Variants in LRMDA observed in about 807,000 individuals in gnomAD.
The protein encoded by LRMDA is leucine-rich melanocyte differentiation-associated protein.
Under a neutral mutation model 29.8 loss-of-function variants are expected in LRMDA, and 18 were observed. The observed-to-expected ratio is 0.60, with a 90% CI of 0.42 to 0.90. The LOEUF is 0.90. LRMDA is among the 40% of genes least tolerant of loss of function. The probability of loss-of-function intolerance (pLI) is 0.00; values close to 1 mark genes in which losing one functional copy is unlikely to be tolerated. For missense variants in LRMDA, 273 were observed against 273.9 expected (o/e 1.00, Z 0.02); for synonymous variants, 125 against 109.4 (o/e 1.14, Z -0.89).
chr10:75,552,296 T>C (rs923293613), intron 2 of LRMDA, among the ~76,000 whole-genome samples: 2 of 152,172 alleles, frequency 1.3e-5, no homozygotes, highest in African/African-American at 4.8e-5. Flanking sequence ...CTTTCACTTG[T>C]ATAGAATTCC....
intron 6 of LRMDA, among the ~76,000 whole-genome samples, chr10:76,478,479 G>T (rs934166338): frequency 9.9e-5 from 15 of 152,180 alleles, no homozygotes; most frequent in Non-Finnish European, 1.5e-4. Flanking sequence ...CATTGTGGAA[G>T]TCAGTGTGGC....
intron 6 of LRMDA, among the ~76,000 whole-genome samples, chr10:76,400,389 A>G (rs1382358289): frequency 6.6e-6 from 1 of 152,218 alleles, no homozygotes; most frequent in African/African-American, 2.4e-5. Context: ...GACCCACAGA[A>G]AGTGTGAGAC....
At chr10:75,842,041 G>A (rs1026580558) in intron 2 of LRMDA, among the ~76,000 whole-genome samples, 2 of 152,200 alleles carry the variant, frequency 1.3e-5, no homozygotes, top group Non-Finnish European at 2.9e-5. Flanking sequence ...TCCATGCCAG[G>A]CATTGAAATG....
intron 2 of LRMDA, among the ~76,000 whole-genome samples, chr10:75,971,902 G>C (rs1456494235): frequency 6.6e-6 from 1 of 152,200 alleles, no homozygotes; most frequent in Non-Finnish European, 1.5e-5. Flanking sequence ...TTAAAGGGTT[G>C]CTGGATGTCG....
rs1850322891 is a variant in LRMDA, at chr10:76,146,434, A to G, written c.516+87651A>G. On this transcript the variant is annotated intron_variant, in intron 5 of 6. Transcript: ENST00000611255. The stretch of plus-strand genomic sequence containing the variant: ...CTCTTCTTGTTGAATTGATCCCTTT[A>G]CCATTATGTAATGGCCTTCTTTGTC... Among the ~76,000 whole-genome samples the G allele has an allele frequency of 2.6e-5, 4 of 151,066 alleles. No individual in the cohort carries two copies. In the South Asian group the frequency reaches 8.4e-4, roughly 32 times the overall value.
intron 6 of LRMDA, among the ~76,000 whole-genome samples, chr10:76,494,966 A>G (rs1232363550): frequency 1.3e-5 from 2 of 151,876 alleles, no homozygotes; most frequent in Non-Finnish European, 2.9e-5. Context: ...TTTCTTAACA[A>G]TGTCACAATG....
At chr10:75,495,494 C>G (rs115378472) in intron 2 of LRMDA, among the ~76,000 whole-genome samples, 1 of 152,142 alleles carries the variant, frequency 6.6e-6, no homozygotes, top group Non-Finnish European at 1.5e-5. Context: ...CAAGGCCTGC[C>G]GTACAGAGGA....
intron 6 of LRMDA, among the ~76,000 whole-genome samples, chr10:76,409,001 C>T (rs905962253): frequency 1.3e-5 from 2 of 152,140 alleles, no homozygotes; most frequent in Admixed American, 6.5e-5. Flanking sequence ...TGGAAGCAAA[C>T]AAAGAAGGAA....
chr10:75,926,105 C>G (rs1355268533), intron 2 of LRMDA, among the ~76,000 whole-genome samples: 1 of 152,176 alleles, frequency 6.6e-6, no homozygotes, highest in East Asian at 1.9e-4. Context: ...GCTAGGTACA[C>G]ATAGGCATGT....
At chr10:76,191,436 T>C (rs1453640474) in intron 5 of LRMDA, among the ~76,000 whole-genome samples, 1 of 152,214 alleles carries the variant, frequency 6.6e-6, no homozygotes, top group Non-Finnish European at 1.5e-5. Flanking sequence ...CTTTGTCACT[T>C]CATTCCTTCT....
chr10:75,798,320 C>T (rs544323477), intron 2 of LRMDA, among the ~76,000 whole-genome samples: 3 of 151,942 alleles, frequency 2.0e-5, no homozygotes, highest in Admixed American at 6.6e-5. Flanking sequence ...TTAATATTGG[C>T]AAAGTCCAAC....
At chr10:75,936,883 A>G (rs1846304324) in intron 2 of LRMDA, among the ~76,000 whole-genome samples, 1 of 152,204 alleles carries the variant, frequency 6.6e-6, no homozygotes, top group Non-Finnish European at 1.5e-5. Flanking sequence ...AAACATTCAG[A>G]TCATAGCATT....
intron 6 of LRMDA, among the ~76,000 whole-genome samples, chr10:76,458,198 C>T (rs1224114733): frequency 6.6e-6 from 1 of 150,978 alleles, no homozygotes; most frequent in African/African-American, 2.4e-5. Context: ...AGTCTGAGCA[C>T]CCATAGAGGG....
chr10:76,150,832 C>T (rs953164088), intron 5 of LRMDA, among the ~76,000 whole-genome samples: 7 of 152,138 alleles, frequency 4.6e-5, no homozygotes, highest in African/African-American at 7.2e-5. Flanking sequence ...TTATTAACTG[C>T]GAAAAGACGT....
intron 5 of LRMDA, among the ~76,000 whole-genome samples, chr10:76,280,127 G>A (rs1840184306): frequency 6.6e-6 from 1 of 152,218 alleles, no homozygotes; most frequent in African/African-American, 2.4e-5. Context: ...CCAGGGACAC[G>A]TAGAGCCAAG....
At chr10:76,359,703 A>G (rs1285016272) in intron 6 of LRMDA, among the ~76,000 whole-genome samples, 2 of 152,360 alleles carry the variant, frequency 1.3e-5, no homozygotes, top group Non-Finnish European at 2.9e-5. Flanking sequence ...GTAAGTAATC[A>G]GGTAGACTTC....
At chr10:75,541,608 T>A (rs1475985333) in intron 2 of LRMDA, among the ~76,000 whole-genome samples, 1 of 152,178 alleles carries the variant, frequency 6.6e-6, no homozygotes, top group East Asian at 1.9e-4. Context: ...TAGTGTTTGT[T>A]TAAAGCATCA....
intron 2 of LRMDA, among the ~76,000 whole-genome samples, chr10:75,546,352 A>C (rs1840081377): frequency 6.6e-6 from 1 of 152,142 alleles, no homozygotes; most frequent in Admixed American, 6.5e-5. Context: ...GTAGAGGAAA[A>C]TATCTATGAA....
At position 76,006,983 on chromosome 10, in the gene LRMDA, CGTGTGTGTGT is replaced by C. The variant is rs572881040; in HGVS notation, c.132-28985_132-28976del. Among the ~76,000 whole-genome samples, 11 of 116,206 alleles carry C rather than the reference CGTGTGTGTGT, an allele frequency of 9.5e-5. No individual in the cohort carries two copies. In the South Asian group the frequency reaches 1.0e-3, roughly 11 times the overall value. The allele number at this position is 116,206 out of a possible 152,430, so 76.2% of individuals were successfully genotyped here. A position where few individuals can be genotyped will look rare whatever the true frequency, so the allele number is the denominator to read the frequency against. On this transcript the variant is annotated intron_variant, in intron 2 of 6. Transcript: ENST00000611255. ...GCTAAAGTTTGCAGGATGGAGAAGGCGTGTGTGTGTGTGTGTGTGTGTGTGTGTGTGTGTG... is the reference window on the plus strand; with the variant it reads ...GCTAAAGTTTGCAGGATGGAGAAGGCGTGTGTGTGTGTGTGTGTGTGTGTG...
Sources: gnomAD v4.1 joint callset for allele counts (sites outside exome capture counted in the v4.1 genomes callset) on GRCh38, gnomAD v4.1.1 for gene constraint, MANE v1.5 for transcripts, NCBI Gene and HGNC (gene_info 2026-07-23, HGNC 2026-07-21) for gene names.